Variants in ABCB9 observed in about 807,000 individuals in gnomAD.
The protein encoded by ABCB9 is ATP binding cassette subfamily B member 9, also known as ABC-type oligopeptide transporter ABCB9.
In ABCB9, 36 loss-of-function variants were observed where a neutral mutation model predicts 62.0. The ratio of observed to expected loss-of-function variants is 0.58; its 90% CI spans 0.45 to 0.77. ABCB9 has a LOEUF of 0.77. ABCB9 is among the 30% of genes least tolerant of loss of function. The pLI is 0.00. For synonymous variants in ABCB9, 435 were observed against 461.4 expected (o/e 0.94, Z 0.73); for missense variants, 943 against 1,054.7 (o/e 0.89, Z 1.47).
chr12:122,936,716 C>A (rs534522212), intron 9 of ABCB9, among the ~76,000 whole-genome samples: 1 of 151,994 alleles, frequency 6.6e-6, no homozygotes, highest in Non-Finnish European at 1.5e-5. Context: ...ACCAGCCTGA[C>A]CAACATGGAG....
intron 2 of ABCB9, among the ~76,000 whole-genome samples, chr12:122,951,288 G>A (rs954343631): frequency 7.0e-4 from 93 of 133,270 alleles, no homozygotes; most frequent in Middle Eastern, 4.8e-3. Context: ...CACTCCTGTC[G>A]CCCAGGCTGG....
At position 122,947,175 on chromosome 12, in the gene ABCB9, G is replaced by C. The variant is rs887704974; in HGVS notation, c.1054-953C>G. Among the ~76,000 whole-genome samples the C allele has an allele frequency of 1.3e-5, 2 of 152,248 alleles. No homozygotes were observed. The highest frequency in any genetic ancestry group is 2.4e-5 in the African/African-American group (1 of 41,460). On this transcript the variant is annotated intron_variant, in intron 5 of 11. Transcript: ENST00000280560. The surrounding 1 kb of genome is among the most constrained non-coding windows in gnomAD (Gnocchi z 6.0). The stretch of plus-strand genomic sequence containing the variant: ...CAGTGCACACAGAGGTGGGGGCTGA[G>C]GGGGAGCTCCAGGGTTTCTTGCTCC...
chr12:122,949,459 G>C (rs2135857178), intron 4 of ABCB9: 1 of 269,056 alleles, frequency 3.7e-6, no homozygotes, highest in East Asian at 7.5e-5. Context: ...ACCCCCATGG[G>C]AGCAGGGTCT....
At chr12:122,971,456 T>A (rs968577823), upstream of ABCB9, among the ~76,000 whole-genome samples, 11 of 152,060 alleles carry the variant, frequency 7.2e-5, no homozygotes, top group Non-Finnish European at 1.6e-4. Flanking sequence ...GTTTATTTAA[T>A]TTTTAATGAT....
At position 122,940,295 on chromosome 12, in the gene ABCB9, C is replaced by G; in HGVS notation, c.1570-11G>C. 2 of 1,575,548 alleles carry G rather than the reference C, an allele frequency of 1.3e-6. No homozygotes were observed. Among genetic ancestry groups the G allele is most frequent in the Non-Finnish European group, 8.6e-7 (1 of 1,158,920 alleles). ...GCTGAAGGAGACATTCTGCAAAGAA[C>G]ACACAGGCACAGTGCGGGGTTATCG... On this transcript the variant is annotated splice_polypyrimidine_tract_variant and intron_variant, in intron 8 of 11. Transcript: ENST00000280560. The surrounding 1 kb of genome is among the most constrained non-coding windows in gnomAD (Gnocchi z 4.8).
At chr12:122,928,135 T>C (rs1212691277), downstream of ABCB9, among the ~76,000 whole-genome samples, 2 of 152,126 alleles carry the variant, frequency 1.3e-5, no homozygotes, top group Non-Finnish European at 2.9e-5. Context: ...CCGGATTATC[T>C]AGGTGGCCTC....
rs377382289 is a variant in ABCB9, at chr12:122,944,561, G to A, written c.1252-42C>T. ...GGGGATGTGGGTCGAGGGGACCTTA[G>A]ATCCCCCACCATCCCCATTCCCTGA... On this transcript the variant is annotated intron_variant, in intron 6 of 11. Coordinates refer to ENST00000280560, the MANE Select transcript of ABCB9 (RefSeq NM_019625.4). This position sits in a 1 kb window ranked among gnomAD's most constrained non-coding sequence, Gnocchi z 4.9. 24 of 1,605,856 alleles carry A rather than the reference G, an allele frequency of 1.5e-5. No homozygotes were observed. Among genetic ancestry groups the A allele is most frequent in the Admixed American group, 1.3e-4 (8 of 59,732 alleles).
At chr12:122,950,594 G>T (rs750558883) in intron 2 of ABCB9, 29 bp from the exon 3 acceptor site, 2 of 1,580,376 alleles carry the variant, frequency 1.3e-6, no homozygotes, top group Admixed American at 1.7e-5. Flanking sequence ...CCTCAGGGAC[G>T]TCTGCAGCCA....
At chr12:122,924,177 C>T (rs1228644240), downstream of ABCB9, among the ~76,000 whole-genome samples, 1 of 152,174 alleles carries the variant, frequency 6.6e-6, no homozygotes, top group Non-Finnish European at 1.5e-5. Context: ...ACTCTCCAGA[C>T]GAAGGCAGCA....
At position 122,960,060 on chromosome 12, in the gene ABCB9, C is replaced by G; in HGVS notation, c.176G>C (p.Cys59Ser). ...DLWAACLYRS[C>S]LLLGATIGVA... ...ACCAATGGTGGCTCCCAGCAGCAGGCAGCTGCGGTACAGGCAGGCTGCCCA... is the reference window on the plus strand; with the variant it reads ...ACCAATGGTGGCTCCCAGCAGCAGGGAGCTGCGGTACAGGCAGGCTGCCCA... The change falls in exon 2 of 12, where the codon TGC becomes TCC. Residue 59 changes from cysteine (C) to serine (S), a missense_variant. Coordinates refer to ENST00000280560, the MANE Select transcript of ABCB9 (RefSeq NM_019625.4). The G allele has an allele frequency of 6.2e-7, 1 of 1,613,516 alleles. No individual in the cohort carries two copies. Among genetic ancestry groups the G allele is most frequent in the Middle Eastern group, 1.6e-4 (1 of 6,062 alleles).
In ABCB9 at chr12:122,959,867, C is replaced by G. The variant is rs115312710; in HGVS notation, c.369G>C (p.Thr123=). The change falls in exon 2 of 12, where the codon ACG becomes ACC. Residue 123 remains threonine (T), a synonymous_variant. Coordinates refer to ENST00000280560, the MANE Select transcript of ABCB9 (RefSeq NM_019625.4). This position sits in a 1 kb window ranked among gnomAD's most constrained non-coding sequence, Gnocchi z 5.4. ...DPWFWALFVW[T]YISLGASFLL... ...GGAAGGATGCGCCGAGTGAAATGTA[C>G]GTCCACACGAACAGGGCCCAAAACC... 18 of 1,613,466 alleles carry G rather than the reference C, an allele frequency of 1.1e-5. No individual in the cohort carries two copies. In the Admixed American group the frequency reaches 1.5e-4, roughly 13 times the overall value.
chr12:122,942,678 A>ACTGTAACC (rs2035831753), intron 7 of ABCB9, among the ~76,000 whole-genome samples: 1 of 151,426 alleles, frequency 6.6e-6, no homozygotes. Context: ...GTGGCATGTG[A>ACTGTAACC]CTGTAACCCC....
intron 4 of ABCB9, chr12:122,949,144 C>T: frequency 4.2e-6 from 1 of 238,134 alleles, no homozygotes. Context: ...TGTCTCCTCC[C>T]TGTCACTGGC....
At position 122,959,580 on chromosome 12, in the gene ABCB9, A is replaced by G; in HGVS notation, c.601+55T>C. On this transcript the variant is annotated intron_variant, in intron 2 of 11. Coordinates refer to ENST00000280560, the MANE Select transcript of ABCB9 (RefSeq NM_019625.4). The surrounding 1 kb of genome is among the most constrained non-coding windows in gnomAD (Gnocchi z 5.4). ...AAATCTTTTAAAATCTAAGGCAGTC[A>G]TATCCACCTAATTTGATGTTCTGGT... is the stretch of plus-strand genomic sequence containing the variant. 2.6e-6 allele frequency: 4 copies of G among 1,510,700 alleles called. No individual in the cohort carries two copies. The allele number at this position is 1,510,700 out of a possible 1,614,324, so 93.6% of individuals were successfully genotyped here. A position where few individuals can be genotyped will look rare whatever the true frequency, so the allele number is the denominator to read the frequency against.
chr12:122,968,803 T>C (rs2037238525), upstream of ABCB9, among the ~76,000 whole-genome samples: 1 of 151,972 alleles, frequency 6.6e-6, no homozygotes, highest in African/African-American at 2.4e-5. Flanking sequence ...TTAGTAGAGA[T>C]GGGGTTTTGC....
At chr12:122,972,176 C>T (rs2037278811) in intron 1 of ABCB9, among the ~76,000 whole-genome samples, 1 of 151,534 alleles carries the variant, frequency 6.6e-6, no homozygotes, top group Admixed American at 6.6e-5. Flanking sequence ...TCCCGAGCAG[C>T]TGGGACTACA....
At chr12:122,968,702 C>A (rs2037237527), upstream of ABCB9, among the ~76,000 whole-genome samples, 2 of 150,144 alleles carry the variant, frequency 1.3e-5, no homozygotes, top group African/African-American at 4.9e-5. Context: ...GCAGCCTCCA[C>A]CTCCTGGGTT....
At chr12:122,950,383 G>A in intron 3 of ABCB9, 68 bp downstream of exon 3, 1 of 1,436,888 alleles carries the variant, frequency 7.0e-7, no homozygotes, top group African/African-American at 1.4e-5. Flanking sequence ...CTTAGGAACA[G>A]GCCCTCCCTT....
chr12:122,935,671 A>G (rs2135781744), intron 9 of ABCB9, among the ~76,000 whole-genome samples: 1 of 152,288 alleles, frequency 6.6e-6, no homozygotes, highest in East Asian at 1.9e-4. Context: ...CTGCTCTGGG[A>G]TAAGCCAAGT....
Sources: gnomAD v4.1 joint callset for allele counts (sites outside exome capture counted in the v4.1 genomes callset) on GRCh38, gnomAD v4.1.1 for gene constraint, Gnocchi (gnomAD v3.1) non-coding constraint, MANE v1.5 for transcripts, NCBI Gene and HGNC (gene_info 2026-07-23, HGNC 2026-07-21) for gene names.